The following EPHA3 variants were observed in gnomAD, a reference collection of about 807,000 sequenced individuals.
EPHA3 encodes ephrin type-A receptor 3.
In EPHA3, 42 loss-of-function variants were observed where a neutral mutation model predicts 107.1. The observed-to-expected ratio is 0.39, with a 90% CI of 0.31 to 0.51. The LOEUF (loss-of-function observed/expected upper bound fraction) is 0.51, where lower values mean the gene tolerates loss of function less well. Among genes scored for constraint, EPHA3 ranks in the 20% least tolerant of loss-of-function variants. The pLI is 0.78. For synonymous variants in EPHA3, 461 were observed against 424.8 expected (o/e 1.09, Z -1.05); for missense variants, 1,183 against 1,211.2 (o/e 0.98, Z 0.35).
chr3:89,255,403 G>C (rs937629216), intron 3 of EPHA3, among the ~76,000 whole-genome samples: 15 of 152,214 alleles, frequency 9.9e-5, no homozygotes, highest in African/African-American at 3.6e-4. Flanking sequence ...CTATGGCCTA[G>C]CAGGCCAAAT....
intron 3 of EPHA3, among the ~76,000 whole-genome samples, chr3:89,211,166 G>A (rs1365359840): frequency 1.3e-5 from 2 of 151,914 alleles, no homozygotes; most frequent in East Asian, 1.9e-4. Context: ...TGTATCATCC[G>A]TTAGGCTTGA....
At chr3:89,209,507 T>C (rs1270798079) in intron 2 of EPHA3, among the ~76,000 whole-genome samples, 2 of 152,134 alleles carry the variant, frequency 1.3e-5, no homozygotes, top group East Asian at 3.9e-4. Flanking sequence ...ATTTTTTCTT[T>C]TTTAAACTGA....
At chr3:89,396,054 G>C in intron 6 of EPHA3, 93 bp downstream of exon 6, 1 of 1,526,404 alleles carries the variant, frequency 6.6e-7, no homozygotes, top group Non-Finnish European at 8.9e-7. Flanking sequence ...GACATTCCTG[G>C]TAAATGGTAG....
At chr3:89,389,681 A>G (rs776274728) in intron 5 of EPHA3, among the ~76,000 whole-genome samples, 1 of 152,216 alleles carries the variant, frequency 6.6e-6, no homozygotes, top group Admixed American at 6.5e-5. Flanking sequence ...ATTTTAAAAC[A>G]CCATAGTTAA....
rs1377875447 is a variant in EPHA3 at position 89,425,487 on chromosome 3, C to A, written c.2075-3619C>A. Among the ~76,000 whole-genome samples, 5 of 149,194 alleles carry A rather than the reference C, an allele frequency of 3.4e-5. No individual in the cohort carries two copies. In the South Asian group the frequency reaches 1.1e-3, roughly 32 times the overall value. The stretch of plus-strand genomic sequence containing the variant: ...TCAAAGGTTTTGATTTTATAATATA[C>A]CCTCATTAGAGTGTGTTTAATCCTT... On this transcript the variant is annotated intron_variant, in intron 11 of 16. Transcript: ENST00000336596.
intron 2 of EPHA3, among the ~76,000 whole-genome samples, chr3:89,207,488 C>T (rs889634997): frequency 2.0e-5 from 3 of 152,180 alleles, no homozygotes. Context: ...AATATTCGTA[C>T]AGATGAATTT....
chr3:89,247,570 A>G (rs1374151990), intron 3 of EPHA3, among the ~76,000 whole-genome samples: 2 of 152,148 alleles, frequency 1.3e-5, no homozygotes, highest in African/African-American at 4.8e-5. Flanking sequence ...AGCAGAACCC[A>G]AAAGTACATA....
intron 2 of EPHA3, among the ~76,000 whole-genome samples, chr3:89,190,236 C>T (rs1291308027): frequency 5.3e-5 from 8 of 152,020 alleles, no homozygotes; most frequent in Admixed American, 5.2e-4. Flanking sequence ...ATTTCTGGAC[C>T]GGTCTGATGA....
intron 2 of EPHA3, among the ~76,000 whole-genome samples, chr3:89,189,768 A>G (rs1705659918): frequency 1.3e-5 from 2 of 152,134 alleles, no homozygotes; most frequent in Non-Finnish European, 2.9e-5. Context: ...TTTTCACATT[A>G]TCTATTTTTT....
intron 15 of EPHA3, among the ~76,000 whole-genome samples, chr3:89,459,743 G>A (rs561535290): frequency 2.8e-4 from 42 of 152,130 alleles, no homozygotes; most frequent in Middle Eastern, 3.4e-3. Flanking sequence ...GGCTGGTCTC[G>A]AACTCCTGAC....
chr3:89,442,288 A>G (rs1397033129), intron 13 of EPHA3, among the ~76,000 whole-genome samples: 3 of 152,142 alleles, frequency 2.0e-5, no homozygotes, highest in Non-Finnish European at 4.4e-5. Context: ...CTGTTTTTCT[A>G]TTAGTAAAGG....
chr3:89,114,045 A>T (rs962308336), intron 1 of EPHA3, among the ~76,000 whole-genome samples: 1 of 152,182 alleles, frequency 6.6e-6, no homozygotes, highest in Non-Finnish European at 1.5e-5. Flanking sequence ...GAAAATCCAC[A>T]TAATCCAAAC....
At chr3:89,172,263 C>A (rs933488036) in intron 2 of EPHA3, among the ~76,000 whole-genome samples, 1 of 152,112 alleles carries the variant, frequency 6.6e-6, no homozygotes, top group African/African-American at 2.4e-5. Context: ...CCTTCATTCA[C>A]ATGTCAGGAG....
At chr3:89,330,944 T>G (rs1227148040) in intron 3 of EPHA3, among the ~76,000 whole-genome samples, 1 of 152,076 alleles carries the variant, frequency 6.6e-6, no homozygotes, top group African/African-American at 2.4e-5. Flanking sequence ...TGCATGTTTT[T>G]GAAGGGAAAA....
chr3:89,284,320 A>G (rs767184401), intron 3 of EPHA3, among the ~76,000 whole-genome samples: 2 of 152,152 alleles, frequency 1.3e-5, no homozygotes, highest in Non-Finnish European at 2.9e-5. Context: ...ATTGGAAGCT[A>G]TTGAAAAAAA....
intron 11 of EPHA3, 96 bp from the exon 12 acceptor site, chr3:89,429,010 T>G (rs1709509401): frequency 2.7e-6 from 2 of 731,420 alleles, no homozygotes; most frequent in Non-Finnish European, 4.1e-6. Context: ...TTCTTACATC[T>G]CTATAATCCT....
chr3:89,234,652 G>A (rs1704709861), intron 3 of EPHA3, among the ~76,000 whole-genome samples: 1 of 151,788 alleles, frequency 6.6e-6, no homozygotes, highest in Non-Finnish European at 1.5e-5. Flanking sequence ...TGTTTGGAGG[G>A]GATTTATTTC....
intron 2 of EPHA3, among the ~76,000 whole-genome samples, chr3:89,132,130 C>T (rs1704219393): frequency 6.6e-6 from 1 of 152,164 alleles, no homozygotes; most frequent in African/African-American, 2.4e-5. Context: ...AGAGACCCAT[C>T]ATTTCCTCCG....
chr3:89,303,226 C>T (rs967915808), intron 3 of EPHA3, among the ~76,000 whole-genome samples: 14 of 151,944 alleles, frequency 9.2e-5, no homozygotes, highest in Admixed American at 2.0e-4. Context: ...GTATTTCTTG[C>T]GTTTTAAAAT....
Sources: allele counts gnomAD v4.1 joint callset (sites outside exome capture counted in the v4.1 genomes callset), GRCh38; gene constraint gnomAD v4.1.1; transcripts MANE v1.5; gene names NCBI Gene and HGNC (gene_info 2026-07-23, HGNC 2026-07-21).